PTPRD: variants seen among roughly 807,000 people sequenced by gnomAD.
PTPRD encodes protein tyrosine phosphatase receptor type D, also known as receptor-type tyrosine-protein phosphatase delta.
A neutral mutation model predicts 214.5 loss-of-function variants in PTPRD; 34 were observed. The ratio of observed to expected loss-of-function variants is 0.16; its 90% CI spans 0.12 to 0.21. PTPRD has a LOEUF of 0.21. Ranked by LOEUF, PTPRD falls within the 10% of genes least tolerant of loss-of-function variation. The probability of loss-of-function intolerance (pLI) is 1.00; values close to 1 mark genes in which losing one functional copy is unlikely to be tolerated. For synonymous variants in PTPRD, 1,128 were observed against 845.7 expected (o/e 1.33, Z -5.79); for missense variants, 2,545 against 2,398.7 (o/e 1.06, Z -1.27).
chr9:9,975,253 C>G (rs1469564926), intron 4 of PTPRD, among the ~76,000 whole-genome samples: 2 of 152,148 alleles, frequency 1.3e-5, no homozygotes, highest in Non-Finnish European at 2.9e-5. Context: ...ATCTAGATCC[C>G]CAGATAAGCT....
chr9:9,148,540 T>A (rs1337382080), intron 10 of PTPRD, among the ~76,000 whole-genome samples: 1 of 152,162 alleles, frequency 6.6e-6, no homozygotes, highest in African/African-American at 2.4e-5. Flanking sequence ...CCCATATGGC[T>A]GACATTTTTG....
chr9:8,767,180 C>T (rs988762651), intron 11 of PTPRD, among the ~76,000 whole-genome samples: 9 of 152,126 alleles, frequency 5.9e-5, no homozygotes, highest in Admixed American at 3.3e-4. Context: ...TGCAATGGCA[C>T]GATCTTGGCT....
At chr9:8,730,937 C>A (rs1598226876) in intron 12 of PTPRD, among the ~76,000 whole-genome samples, 1 of 109,772 alleles carries the variant, frequency 9.1e-6, no homozygotes, top group Non-Finnish European at 2.1e-5. Flanking sequence ...CTGGGCCATT[C>A]AAGACACCGG....
intron 10 of PTPRD, among the ~76,000 whole-genome samples, chr9:9,068,397 G>C (rs1396838740): frequency 6.6e-6 from 1 of 152,080 alleles, no homozygotes; most frequent in Non-Finnish European, 1.5e-5. Context: ...GTAATTGCTT[G>C]TTTACTTTTA....
At chr9:9,017,831 A>C (rs1589865409) in intron 11 of PTPRD, among the ~76,000 whole-genome samples, 1 of 152,156 alleles carries the variant, frequency 6.6e-6, no homozygotes, top group Admixed American at 6.6e-5. Flanking sequence ...GTGAAAAAGC[A>C]AAAATTTAAA....
At chr9:9,595,345 T>C (rs773142889) in intron 7 of PTPRD, among the ~76,000 whole-genome samples, 1 of 146,612 alleles carries the variant, frequency 6.8e-6, no homozygotes, top group Non-Finnish European at 1.5e-5. Context: ...ATATATTGTA[T>C]ATTCATCATA....
chr9:9,859,611 C>CT (rs1283359058), intron 5 of PTPRD, among the ~76,000 whole-genome samples: 1 of 152,156 alleles, frequency 6.6e-6, no homozygotes, highest in African/African-American at 2.4e-5. Context: ...AATATTCTAG[C>CT]TCATAGGAAA....
intron 14 of PTPRD, among the ~76,000 whole-genome samples, chr9:8,583,561 G>A (rs1428842839): frequency 6.6e-6 from 1 of 152,154 alleles, no homozygotes; most frequent in Non-Finnish European, 1.5e-5. Context: ...TACCAGTTAT[G>A]TAGATTATGA....
intron 4 of PTPRD, among the ~76,000 whole-genome samples, chr9:9,941,357 C>G (rs1369096804): frequency 6.6e-6 from 1 of 152,178 alleles, no homozygotes; most frequent in Non-Finnish European, 1.5e-5. Context: ...CAGTCTCACT[C>G]TGATGCCCAG....
intron 4 of PTPRD, among the ~76,000 whole-genome samples, chr9:9,950,048 A>G (rs569462248): frequency 1.1e-4 from 16 of 152,312 alleles, no homozygotes; most frequent in African/African-American, 3.1e-4. Context: ...TTAACGTACC[A>G]TCATAGTCCA....
intron 9 of PTPRD, among the ~76,000 whole-genome samples, chr9:9,307,800 T>C (rs962789184): frequency 6.6e-6 from 1 of 152,214 alleles, no homozygotes; most frequent in Non-Finnish European, 1.5e-5. Flanking sequence ...CATTTGTTAA[T>C]TGACCAGTAT....
chr9:8,572,535 A>G (rs2154237773), intron 14 of PTPRD, among the ~76,000 whole-genome samples: 1 of 152,196 alleles, frequency 6.6e-6, no homozygotes, highest in East Asian at 1.9e-4. Flanking sequence ...TAAAATAGTA[A>G]TAGAAAGCTG....
At chr9:9,502,277 C>T (rs2096443780) in intron 8 of PTPRD, among the ~76,000 whole-genome samples, 1 of 151,774 alleles carries the variant, frequency 6.6e-6, no homozygotes, top group Non-Finnish European at 1.5e-5. Context: ...CCCCTTTCTC[C>T]CTCTGCTGAG....
chr9:9,970,236 G>T (rs1232179560), intron 4 of PTPRD, among the ~76,000 whole-genome samples: 17 of 151,866 alleles, frequency 1.1e-4, no homozygotes, highest in Admixed American at 1.1e-3. Context: ...GGATCACGAG[G>T]TCAGGAGATC....
chr9:8,515,273 C>T (rs1033907734), intron 21 of PTPRD, among the ~76,000 whole-genome samples: 45 of 152,142 alleles, frequency 3.0e-4, no homozygotes, highest in African/African-American at 1.1e-3. Flanking sequence ...CCACATCTGC[C>T]TAATTGGTTT....
At chr9:9,946,069 A>ACCC (rs58290396) in intron 4 of PTPRD, among the ~76,000 whole-genome samples, 5 of 152,160 alleles carry the variant, frequency 3.3e-5, no homozygotes, top group African/African-American at 9.7e-5. Flanking sequence ...TGGGAAAGTC[A>ACCC]TCCTTCACTT....
At chr9:9,840,084 C>T (rs1355131965) in intron 5 of PTPRD, among the ~76,000 whole-genome samples, 1 of 152,070 alleles carries the variant, frequency 6.6e-6, no homozygotes, top group African/African-American at 2.4e-5. Flanking sequence ...GTCACCCAGG[C>T]TGAAGTGCAG....
At chr9:8,918,017 G>C (rs1210561365) in intron 11 of PTPRD, among the ~76,000 whole-genome samples, 1 of 152,156 alleles carries the variant, frequency 6.6e-6, no homozygotes. Context: ...TCGGGCCTCA[G>C]AATCAACAGC....
intron 2 of PTPRD, among the ~76,000 whole-genome samples, chr9:10,497,202 C>G (rs1198748332): frequency 6.6e-6 from 1 of 151,968 alleles, no homozygotes; most frequent in African/African-American, 2.4e-5. Context: ...TAGTACTATG[C>G]TCACCACCTG....
Sources: allele counts gnomAD v4.1 joint callset (sites outside exome capture counted in the v4.1 genomes callset), GRCh38; gene constraint gnomAD v4.1.1; transcripts MANE v1.5; gene names NCBI Gene and HGNC (gene_info 2026-07-23, HGNC 2026-07-21).